Variants in CFAP221 observed in about 807,000 individuals in gnomAD.
CFAP221 encodes cilia- and flagella-associated protein 221.
CFAP221 carries 97 observed loss-of-function variants against 113.1 expected under a neutral mutation model. The ratio of observed to expected loss-of-function variants is 0.86; its 90% CI spans 0.73 to 1.02. The LOEUF (loss-of-function observed/expected upper bound fraction) is 1.02, where lower values mean the gene tolerates loss of function less well. CFAP221 is among the 50% of genes least tolerant of loss of function. CFAP221 has a pLI of 0.00. For missense variants in CFAP221, 1,025 were observed against 1,013.4 expected, an observed-to-expected ratio of 1.01 and a Z score of -0.16; for synonymous variants, 331 against 354.4, an observed-to-expected ratio of 0.93 and a Z score of 0.74.
In CFAP221 at chr2:119,628,294, G is replaced by GTGTGTGTGTGTGTGTGTGTGT. The variant is rs371675389; in HGVS notation, c.1650+508_1650+509insTGTGTGTGTGTGTGTGTGTGT. 2.8e-4 allele frequency among the ~76,000 whole-genome samples: 39 copies of GTGTGTGTGTGTGTGTGTGTGT among 137,586 alleles called. 1 individual carries two copies. Among genetic ancestry groups the GTGTGTGTGTGTGTGTGTGTGT allele is most frequent in the Middle Eastern group, 3.8e-3 (1 of 262 alleles). The allele number at this position is 137,586 out of a possible 152,430, so 90.3% of individuals were successfully genotyped here. ...CTTCTCTCTCTCTCTCTCTCTGGGG[G>GTGTGTGTGTGTGTGTGTGTGT]GTGTGTGTGTGTGTGTGTGTGTGTG... On this transcript the variant is annotated intron_variant, in intron 16 of 23. Coordinates refer to ENST00000413369, the MANE Select transcript of CFAP221 (RefSeq NM_001271049.2).
At chr2:119,640,211 A>G (rs1040210550) in intron 21 of CFAP221, among the ~76,000 whole-genome samples, 6 of 28,604 alleles carry the variant, frequency 2.1e-4, no homozygotes, top group African/African-American at 6.5e-4. Flanking sequence ...CTCCATCTCA[A>G]AACAAAAAAA....
At chr2:119,589,523 T>C (rs1683451139) in intron 7 of CFAP221, 1 of 152,244 alleles carries the variant, frequency 6.6e-6, no homozygotes, top group South Asian at 2.1e-4. Flanking sequence ...AGACACTGTT[T>C]CAAGCACGTG....
At chr2:119,628,294 GGTGTGT>G (rs70949303) in intron 16 of CFAP221, among the ~76,000 whole-genome samples, 12 of 137,582 alleles carry the variant, frequency 8.7e-5, no homozygotes, top group South Asian at 7.1e-4. Flanking sequence ...CTCTCTGGGG[GGTGTGT>G]GTGTGTGTGT....
rs1016410224 is a variant in CFAP221 at position 119,635,505 on chromosome 2, A to G, written c.1975-2754A>G. 4.6e-5 allele frequency among the ~76,000 whole-genome samples: 7 copies of G among 151,992 alleles called. No homozygotes were observed. The South Asian group carries it at 1.5e-3, about 32-fold the overall frequency. ...CAGAAAGATTGGTGGCTGCCTGTGG[A>G]TGGGTTGGGTGGATGGTGTGGAGGG... On this transcript the variant is annotated intron_variant, in intron 19 of 23. Transcript: ENST00000413369.
chr2:119,581,046 C>T (rs1334226760), intron 6 of CFAP221: 1 of 152,170 alleles, frequency 6.6e-6, no homozygotes, highest in Non-Finnish European at 1.5e-5. Flanking sequence ...ACCTGCTGGC[C>T]CAGTGACTGA....
chr2:119,640,678 C>T (rs1262209840), intron 21 of CFAP221, among the ~76,000 whole-genome samples: 1 of 152,110 alleles, frequency 6.6e-6, no homozygotes, highest in African/African-American at 2.4e-5. Context: ...AGAATGAGGC[C>T]CACCCCAAGG....
Position 119,604,995 on chromosome 2 carries a change from GTTGA to G in CFAP221, c.1024+12_1024+15del, listed in dbSNP as rs1186843676. ...TTAAAGAATTAAGAGAAGGTAACCA[GTTGA>G]TTGGCCATAAAGCAGCCCCTGAGCA... On this transcript the variant is annotated intron_variant, in intron 10 of 23. Coordinates refer to ENST00000413369, the MANE Select transcript of CFAP221 (RefSeq NM_001271049.2). 6.2e-7 allele frequency: 1 copy of G among 1,611,466 alleles called. No homozygotes were observed. The highest frequency in any genetic ancestry group is 8.5e-7 in the Non-Finnish European group (1 of 1,177,820).
At chr2:119,619,015 G>A (rs574015702) in intron 14 of CFAP221, among the ~76,000 whole-genome samples, 43 of 152,236 alleles carry the variant, frequency 2.8e-4, no homozygotes, top group African/African-American at 8.7e-4. Context: ...GCAAAACCAC[G>A]GTAGCCAGAC....
chr2:119,588,388 A>C (rs927327380), intron 7 of CFAP221, among the ~76,000 whole-genome samples: 2 of 152,234 alleles, frequency 1.3e-5, no homozygotes, highest in African/African-American at 2.4e-5. Context: ...ATGAGCTGAC[A>C]TCAGTAGCCA....
At chr2:119,630,012 T>C in intron 17 of CFAP221, 57 bp downstream of exon 17, 1 of 1,437,602 alleles carries the variant, frequency 7.0e-7, no homozygotes, top group East Asian at 2.3e-5. Context: ...AACAAAATAT[T>C]CTTGAATTTG....
At chr2:119,596,242 A>T (rs921622997) in intron 7 of CFAP221, among the ~76,000 whole-genome samples, 2 of 151,892 alleles carry the variant, frequency 1.3e-5, no homozygotes, top group African/African-American at 4.8e-5. Context: ...GACCTTGGAG[A>T]TGGTGAGGGA....
rs1322440351 is a variant in CFAP221 at position 119,581,843 on chromosome 2, T to A, written c.528-5276T>A. On this transcript the variant is annotated intron_variant, in intron 6 of 23. Transcript: ENST00000413369. Reference sequence around the variant, plus strand: ...ACTCTGGGAGGCCAAGGCAGGAGAATCACTTGAACCCAGGAGTTTGAGACC... The same window carrying A: ...ACTCTGGGAGGCCAAGGCAGGAGAAACACTTGAACCCAGGAGTTTGAGACC... 2.0e-5 allele frequency among the ~76,000 whole-genome samples: 3 copies of A among 152,134 alleles called. No individual in the cohort carries two copies. The East Asian group carries it at 5.8e-4, about 29-fold the overall frequency.
chr2:119,579,233 C>T (rs1186422926), intron 6 of CFAP221, among the ~76,000 whole-genome samples: 1 of 151,972 alleles, frequency 6.6e-6, no homozygotes, highest in Non-Finnish European at 1.5e-5. Context: ...CCTGATTCCT[C>T]TAAGTTACAG....
intron 6 of CFAP221, among the ~76,000 whole-genome samples, chr2:119,564,869 C>T (rs1029276605): frequency 1.3e-5 from 2 of 152,042 alleles, no homozygotes; most frequent in Non-Finnish European, 2.9e-5. Flanking sequence ...GTACATGGCT[C>T]CTGTACACAT....
chr2:119,626,601 T>C (rs1686322160), intron 15 of CFAP221, among the ~76,000 whole-genome samples: 1 of 152,104 alleles, frequency 6.6e-6, no homozygotes, highest in African/African-American at 2.4e-5. Context: ...CATTAAGCCT[T>C]TTAATCTTGT....
chr2:119,601,067 A>G (rs897379603), intron 7 of CFAP221, 151 bp from the exon 8 acceptor site: 10 of 790,470 alleles, frequency 1.3e-5, no homozygotes, highest in Non-Finnish European at 1.8e-5. Flanking sequence ...TGGGAAGCCA[A>G]AAGTTATGTG....
chr2:119,660,318 T>A (rs1297789719), downstream of CFAP221: 2 of 152,246 alleles, frequency 1.3e-5, no homozygotes, highest in Non-Finnish European at 2.9e-5. Context: ...ATTTATCAGA[T>A]CATCATCTGT....
chr2:119,616,484 C>G (rs1685535077), intron 14 of CFAP221, among the ~76,000 whole-genome samples: 1 of 152,182 alleles, frequency 6.6e-6, no homozygotes, highest in Non-Finnish European at 1.5e-5. Context: ...TAATGCATGC[C>G]TTTCAGAGTT....
chr2:119,605,609 C>T (rs1684685513), intron 11 of CFAP221, among the ~76,000 whole-genome samples: 1 of 152,176 alleles, frequency 6.6e-6, no homozygotes, highest in African/African-American at 2.4e-5. Context: ...CCCCATCATC[C>T]TCCACCTCAC....
Sources: allele counts gnomAD v4.1 joint callset (sites outside exome capture counted in the v4.1 genomes callset), GRCh38; gene constraint gnomAD v4.1.1; transcripts MANE v1.5; gene names NCBI Gene and HGNC (gene_info 2026-07-23, HGNC 2026-07-21).